B4GALT5: variants seen among roughly 807,000 people sequenced by gnomAD.
The protein encoded by B4GALT5 is beta-1,4-galactosyltransferase 5, also known as UDP-Gal:beta-GlcNAc beta-1,4-galactosyltransferase 5.
A neutral mutation model predicts 45.0 loss-of-function variants in B4GALT5; 11 were observed. The observed-to-expected ratio is 0.24, with a 90% confidence interval of 0.15 to 0.40. The LOEUF is 0.40. B4GALT5 is among the 10% of genes least tolerant of loss of function. B4GALT5 has a pLI of 1.00. For synonymous variants in B4GALT5, 185 were observed against 182.9 expected, an observed-to-expected ratio of 1.01 and a Z score of -0.09; for missense variants, 337 against 500.2, an observed-to-expected ratio of 0.67 and a Z score of 3.11.
At chr20:49,683,788 G>A (rs1600548496) in intron 1 of B4GALT5, among the ~76,000 whole-genome samples, 1 of 152,064 alleles carries the variant, frequency 6.6e-6, no homozygotes, top group African/African-American at 2.4e-5. Context: ...ATAAAACGGG[G>A]ATAATAATAT....
At chr20:49,652,277 G>A (rs984825948) in intron 2 of B4GALT5, among the ~76,000 whole-genome samples, 14 of 151,654 alleles carry the variant, frequency 9.2e-5, no homozygotes, top group Non-Finnish European at 1.0e-4. Flanking sequence ...ACCAAATCCA[G>A]TTGAGAAGGA....
At chr20:49,701,325 A>G (rs1286959672) in intron 1 of B4GALT5, among the ~76,000 whole-genome samples, 3 of 152,182 alleles carry the variant, frequency 2.0e-5, no homozygotes, top group Admixed American at 1.3e-4. Context: ...ATACATTTGC[A>G]GTTCAGCTGA....
At chr20:49,701,663 C>CA (rs1406381848) in intron 1 of B4GALT5, among the ~76,000 whole-genome samples, 112 of 151,826 alleles carry the variant, frequency 7.4e-4, no homozygotes, top group Admixed American at 3.0e-3. Flanking sequence ...CAAAAACAAA[C>CA]AAAAAAAACA....
chr20:49,691,144 A>G (rs971187082), intron 1 of B4GALT5, among the ~76,000 whole-genome samples: 1 of 152,144 alleles, frequency 6.6e-6, no homozygotes, highest in African/African-American at 2.4e-5. Context: ...GAGACTAGCT[A>G]TAGATGGGAA....
chr20:49,679,353 A>C (rs1159749294), intron 1 of B4GALT5, among the ~76,000 whole-genome samples: 1 of 152,156 alleles, frequency 6.6e-6, no homozygotes, highest in Admixed American at 6.5e-5. Context: ...CTAGCACCAC[A>C]ATCAAGAACA....
chr20:49,704,402 C>G (rs1465977147), intron 1 of B4GALT5, among the ~76,000 whole-genome samples: 1 of 152,282 alleles, frequency 6.6e-6, no homozygotes, highest in East Asian at 1.9e-4. Flanking sequence ...CACTAGCATA[C>G]CCTGGATCCA....
At chr20:49,653,418 C>T (rs2085630177) in intron 2 of B4GALT5, among the ~76,000 whole-genome samples, 1 of 152,236 alleles carries the variant, frequency 6.6e-6, no homozygotes, top group Admixed American at 6.5e-5. Context: ...TTGTTAAATT[C>T]ATTCCTTCAT....
intron 1 of B4GALT5, among the ~76,000 whole-genome samples, chr20:49,713,039 G>A (rs567845945): frequency 1.3e-5 from 2 of 151,292 alleles, no homozygotes; most frequent in East Asian, 3.9e-4. Flanking sequence ...GGAGGGAGGG[G>A]GCTCACGGGA....
At chr20:49,650,168 C>T (rs6095600) in intron 2 of B4GALT5, among the ~76,000 whole-genome samples, 1 of 151,662 alleles carries the variant, frequency 6.6e-6, no homozygotes. Flanking sequence ...CCTGGTAGCA[C>T]CTAGCATGAA....
At chr20:49,640,758 T>C in intron 5 of B4GALT5, 93 bp from the exon 6 acceptor site, 1 of 1,297,458 alleles carries the variant, frequency 7.7e-7, no homozygotes, top group Non-Finnish European at 1.0e-6. Context: ...TAGAACCAAC[T>C]GGAAAAGATC....
At chr20:49,672,446 T>C (rs1425148759) in intron 1 of B4GALT5, among the ~76,000 whole-genome samples, 3 of 152,222 alleles carry the variant, frequency 2.0e-5, no homozygotes, top group South Asian at 4.1e-4. Context: ...AATGAAACCC[T>C]TCCTCTCCTC....
chr20:49,651,267 C>T (rs1601250712), intron 2 of B4GALT5, among the ~76,000 whole-genome samples: 2 of 152,118 alleles, frequency 1.3e-5, no homozygotes, highest in Non-Finnish European at 1.5e-5. Flanking sequence ...GCCCGGGCAA[C>T]AGAGCGAGAC....
chr20:49,640,448 C>A, intron 6 of B4GALT5, 30 bp downstream of exon 6: 1 of 1,529,824 alleles, frequency 6.5e-7, no homozygotes, highest in Non-Finnish European at 8.8e-7. Flanking sequence ...TCAGATTTAA[C>A]CTCTTTAATT....
At chr20:49,706,321 AAAC>A (rs1374882023) in intron 1 of B4GALT5, among the ~76,000 whole-genome samples, 12 of 152,182 alleles carry the variant, frequency 7.9e-5, no homozygotes, top group Admixed American at 4.6e-4. Context: ...CTCTATTTGA[AAAC>A]AAAATGAATC....
At chr20:49,690,203 G>C (rs566809590) in intron 1 of B4GALT5, among the ~76,000 whole-genome samples, 1 of 152,074 alleles carries the variant, frequency 6.6e-6, no homozygotes, top group Non-Finnish European at 1.5e-5. Context: ...ACAGGGTTTC[G>C]CCATGTTGGT....
intron 1 of B4GALT5, among the ~76,000 whole-genome samples, chr20:49,668,862 C>T (rs938141729): frequency 6.6e-6 from 1 of 151,980 alleles, no homozygotes; most frequent in African/African-American, 2.4e-5. Flanking sequence ...GACACCCGCT[C>T]ATACTAAGCT....
At chr20:49,651,781 A>G (rs960606883) in intron 2 of B4GALT5, among the ~76,000 whole-genome samples, 3 of 152,168 alleles carry the variant, frequency 2.0e-5, no homozygotes, top group Non-Finnish European at 4.4e-5. Context: ...AGAAGCTTTC[A>G]AAAATCCTAA....
intron 1 of B4GALT5, among the ~76,000 whole-genome samples, chr20:49,668,013 C>T (rs1010182203): frequency 1.3e-5 from 2 of 152,100 alleles, no homozygotes; most frequent in South Asian, 2.1e-4. Context: ...TTGGAGCAAC[C>T]GTGTGACAAT....
chr20:49,664,963 C>CA (rs756879303), intron 1 of B4GALT5, among the ~76,000 whole-genome samples: 6 of 152,132 alleles, frequency 3.9e-5, no homozygotes, highest in Non-Finnish European at 8.8e-5. Flanking sequence ...TACAGATTTG[C>CA]AATTTTTTTC....
Sources: allele counts gnomAD v4.1 joint callset (sites outside exome capture counted in the v4.1 genomes callset), GRCh38; gene constraint gnomAD v4.1.1; transcripts MANE v1.5; gene names NCBI Gene and HGNC (gene_info 2026-07-23, HGNC 2026-07-21).